DSCAM: variants seen among roughly 807,000 people sequenced by gnomAD.
DSCAM encodes the protein DS cell adhesion molecule, also known as cell adhesion molecule DSCAM.
Under a neutral mutation model 217.7 loss-of-function variants are expected in DSCAM, and 47 were observed. The ratio of observed to expected loss-of-function variants is 0.22; its 90% confidence interval spans 0.17 to 0.28. The LOEUF is 0.28. DSCAM is among the 10% of genes least tolerant of loss of function. The probability of loss-of-function intolerance (pLI) is 1.00; values close to 1 mark genes in which losing one functional copy is unlikely to be tolerated. For missense variants in DSCAM, 2,080 were observed against 2,618.3 expected, an observed-to-expected ratio of 0.79 and a Z score of 4.49; for synonymous variants, 1,056 against 1,015.3, an observed-to-expected ratio of 1.04 and a Z score of -0.76.
intron 3 of DSCAM, among the ~76,000 whole-genome samples, chr21:40,536,307 G>T (rs2076495650): frequency 6.6e-6 from 1 of 151,496 alleles, no homozygotes; most frequent in Non-Finnish European, 1.5e-5. Context: ...TAGAGGTCAG[G>T]TCATTACAGA....
chr21:40,518,198 T>C (rs780299024), intron 3 of DSCAM, among the ~76,000 whole-genome samples: 1 of 145,848 alleles, frequency 6.9e-6, no homozygotes, highest in African/African-American at 2.5e-5. Flanking sequence ...TGCATTCCAA[T>C]GGACCCTTGA....
chr21:40,503,270 CT>C (rs2076184150), intron 3 of DSCAM, among the ~76,000 whole-genome samples: 1 of 152,214 alleles, frequency 6.6e-6, no homozygotes, highest in Non-Finnish European at 1.5e-5. Flanking sequence ...TTCAAGTCTT[CT>C]TCGAGCATTG....
chr21:40,367,897 C>T (rs192738752), intron 4 of DSCAM, among the ~76,000 whole-genome samples: 4 of 152,302 alleles, frequency 2.6e-5, no homozygotes, highest in Non-Finnish European at 5.9e-5. Context: ...CTTGTGACTA[C>T]TTCTGTCCAT....
intron 1 of DSCAM, among the ~76,000 whole-genome samples, chr21:40,811,751 T>C (rs889916286): frequency 1.3e-5 from 2 of 152,156 alleles, no homozygotes; most frequent in Admixed American, 1.3e-4. Flanking sequence ...CTCATTTTGG[T>C]TTTTTGAGAA....
intron 32 of DSCAM, among the ~76,000 whole-genome samples, chr21:40,039,386 TA>T (rs2088700186): frequency 6.5e-5 from 1 of 15,488 alleles, no homozygotes; most frequent in African/African-American, 2.8e-4. Flanking sequence ...TGTCCTTTTG[TA>T]TTTATTTGAC....
intron 3 of DSCAM, among the ~76,000 whole-genome samples, chr21:40,564,027 G>A (rs1194477856): frequency 6.6e-6 from 1 of 152,182 alleles, no homozygotes; most frequent in Non-Finnish European, 1.5e-5. Context: ...GAAAGCCCTT[G>A]GTTCTCAGGC....
At chr21:40,583,811 T>C (rs192499013) in intron 3 of DSCAM, among the ~76,000 whole-genome samples, 5 of 151,736 alleles carry the variant, frequency 3.3e-5, no homozygotes, top group Admixed American at 2.6e-4. Context: ...CAAGGGAGGC[T>C]GTGCATGTGT....
intron 11 of DSCAM, among the ~76,000 whole-genome samples, chr21:40,232,888 T>A (rs1057293196): frequency 6.6e-6 from 1 of 152,146 alleles, no homozygotes; most frequent in Admixed American, 6.5e-5. Context: ...TATAAGTTAT[T>A]AAGATGCCCA....
chr21:40,780,064 C>T (rs994143033), intron 1 of DSCAM, among the ~76,000 whole-genome samples: 2 of 152,194 alleles, frequency 1.3e-5, no homozygotes, highest in African/African-American at 4.8e-5. Flanking sequence ...TTTCTACATG[C>T]ATCTTCTCAA....
At chr21:40,108,206 G>A (rs745667921) in intron 20 of DSCAM, among the ~76,000 whole-genome samples, 1 of 152,198 alleles carries the variant, frequency 6.6e-6, no homozygotes. Flanking sequence ...CAAACAGGAA[G>A]AGAGGAAGTC....
At chr21:40,161,075 T>C (rs999537619) in intron 16 of DSCAM, among the ~76,000 whole-genome samples, 2 of 151,736 alleles carry the variant, frequency 1.3e-5, no homozygotes, top group African/African-American at 4.9e-5. Context: ...TCCACCCCTG[T>C]GGCTGCGAGT....
rs562297923 is a variant in DSCAM, at chr21:40,747,280, T to C, written c.44-38509A>G. Among the ~76,000 whole-genome samples, 5 of 75,676 alleles carry C rather than the reference T, an allele frequency of 6.6e-5. No individual in the cohort carries two copies. In the Admixed American group the frequency reaches 8.1e-4, roughly 12 times the overall value. 49.6% of individuals were successfully genotyped at this position (75,676 alleles called of 152,430 possible). A position where few individuals can be genotyped will look rare whatever the true frequency, so the allele number is the denominator to read the frequency against. ...AGATCAAGAAAACAAGGAGGTATTT[T>C]TGTTTAAATAAAAAAAAAACAACAA... On this transcript the variant is annotated intron_variant, in intron 1 of 32. Transcript: ENST00000400454.
intron 32 of DSCAM, among the ~76,000 whole-genome samples, chr21:40,020,464 A>G (rs1277219150): frequency 6.6e-6 from 1 of 152,110 alleles, no homozygotes; most frequent in Non-Finnish European, 1.5e-5. Context: ...ACAAAGAGGT[A>G]GCTGAGTGCA....
chr21:40,233,802 CAT>C, intron 11 of DSCAM, among the ~76,000 whole-genome samples: 1 of 152,346 alleles, frequency 6.6e-6, no homozygotes. Context: ...AGCAATAACT[CAT>C]AGCAATTCCA....
intron 20 of DSCAM, among the ~76,000 whole-genome samples, chr21:40,113,361 A>T (rs1164729729): frequency 3.3e-5 from 5 of 152,172 alleles, no homozygotes; most frequent in Non-Finnish European, 7.4e-5. Flanking sequence ...AAAATTCAAC[A>T]ACCCTTCATG....
At chr21:40,543,260 C>T (rs1227497870) in intron 3 of DSCAM, among the ~76,000 whole-genome samples, 1 of 152,156 alleles carries the variant, frequency 6.6e-6, no homozygotes, top group Non-Finnish European at 1.5e-5. Context: ...AAGGCCTAAA[C>T]ATTTTAGTCC....
At chr21:40,051,249 C>T (rs543540031) in intron 30 of DSCAM, among the ~76,000 whole-genome samples, 126 of 152,192 alleles carry the variant, frequency 8.3e-4, no homozygotes, top group East Asian at 2.7e-3. Context: ...GATTTAGGAA[C>T]GATTCCAATT....
chr21:40,497,133 C>G (rs912219040), intron 3 of DSCAM, among the ~76,000 whole-genome samples: 3 of 152,186 alleles, frequency 2.0e-5, no homozygotes, highest in Non-Finnish European at 2.9e-5. Flanking sequence ...AGTAATTCCA[C>G]TGTTGGATCT....
chr21:40,064,116 G>GTATATATATATATA (rs35690892), intron 27 of DSCAM, among the ~76,000 whole-genome samples: 12 of 149,128 alleles, frequency 8.0e-5, no homozygotes, highest in African/African-American at 3.0e-4. Context: ...CACTTACAAA[G>GTATATATATATATA]TATATATATA....
Sources: gnomAD v4.1 joint callset for allele counts (sites outside exome capture counted in the v4.1 genomes callset) on GRCh38, gnomAD v4.1.1 for gene constraint, MANE v1.5 for transcripts, NCBI Gene and HGNC (gene_info 2026-07-23, HGNC 2026-07-21) for gene names.